KIAA1217: variants seen among roughly 807,000 people sequenced by gnomAD.
KIAA1217 encodes the protein KIAA1217, also known as sickle tail protein homolog.
A neutral mutation model predicts 163.9 loss-of-function variants in KIAA1217; 88 were observed. That is an observed-to-expected ratio of 0.54 (90% CI 0.45 to 0.64). The LOEUF is 0.64. Among genes scored for constraint, KIAA1217 ranks in the 30% least tolerant of loss-of-function variants. The pLI, the probability that KIAA1217 is intolerant of heterozygous loss-of-function variation, is 0.00. For missense variants in KIAA1217, 2,372 were observed against 2,475.0 expected (o/e 0.96, Z 0.88); for synonymous variants, 903 against 923.1 (o/e 0.98, Z 0.39).
At chr10:23,797,301 G>C (rs552217366) in intron 1 of KIAA1217, among the ~76,000 whole-genome samples, 75 of 152,200 alleles carry the variant, frequency 4.9e-4, no homozygotes, top group African/African-American at 1.7e-3. Context: ...GTCAGCAGTA[G>C]TTTACTACTC....
chr10:23,727,061 C>T (rs1369257253), intron 1 of KIAA1217, among the ~76,000 whole-genome samples: 3 of 135,698 alleles, frequency 2.2e-5, no homozygotes, highest in Non-Finnish European at 3.0e-5. Flanking sequence ...GATCTTGGCT[C>T]ACTGCAAGCT....
intron 2 of KIAA1217, among the ~76,000 whole-genome samples, chr10:24,286,603 C>T (rs533404846): frequency 9.2e-5 from 14 of 152,168 alleles, no homozygotes; most frequent in South Asian, 2.1e-4. Context: ...TGATGGGAAA[C>T]GAGGCAGAAA....
chr10:23,880,942 A>G (rs1840921420), intron 1 of KIAA1217, among the ~76,000 whole-genome samples: 1 of 151,900 alleles, frequency 6.6e-6, no homozygotes, highest in Admixed American at 6.6e-5. Context: ...ACCAGGGTGG[A>G]GTTCTCAACA....
chr10:24,070,925 AGTTG>A (rs2131628054), intron 2 of KIAA1217, among the ~76,000 whole-genome samples: 2 of 152,294 alleles, frequency 1.3e-5, no homozygotes, highest in South Asian at 4.1e-4. Context: ...TGAGTATTCA[AGTTG>A]GTTGGGTGAC....
At chr10:24,163,226 G>A (rs1159012791) in intron 2 of KIAA1217, among the ~76,000 whole-genome samples, 2 of 152,206 alleles carry the variant, frequency 1.3e-5, no homozygotes, top group East Asian at 3.8e-4. Flanking sequence ...GCAGTGGCAA[G>A]ACTAGTAGAC....
chr10:24,171,002 A>G (rs1280467770), intron 2 of KIAA1217, among the ~76,000 whole-genome samples: 1 of 152,180 alleles, frequency 6.6e-6, no homozygotes, highest in Non-Finnish European at 1.5e-5. Context: ...TAAACACTCT[A>G]TTTTCTCTAA....
At chr10:24,414,791 G>A (rs1564638004) in intron 3 of KIAA1217, among the ~76,000 whole-genome samples, 1 of 152,130 alleles carries the variant, frequency 6.6e-6, no homozygotes. Context: ...GTTCTTTATT[G>A]TGTGATCTTG....
intron 3 of KIAA1217, among the ~76,000 whole-genome samples, chr10:24,398,965 A>G (rs1198980345): frequency 6.6e-6 from 1 of 152,176 alleles, no homozygotes; most frequent in East Asian, 1.9e-4. Flanking sequence ...TAGAGAGACC[A>G]TTAACAACTA....
At position 24,373,341 on chromosome 10, in the gene KIAA1217, A is replaced by G. The variant is rs535862488; in HGVS notation, c.355-7528A>G. Among the ~76,000 whole-genome samples, 14 of 152,228 alleles carry G rather than the reference A, an allele frequency of 9.2e-5. No homozygotes were observed. The South Asian group carries it at 2.7e-3, about 29-fold the overall frequency. On this transcript the variant is annotated intron_variant, in intron 2 of 20. Coordinates refer to ENST00000376454, the MANE Select transcript of KIAA1217 (RefSeq NM_019590.5). ...TCATCCACTCCCCTCTTCCTGCGCA[A>G]TTAGGAACTTCCTCCTTTCCCCTTC...
chr10:23,772,050 A>C (rs771234084), intron 1 of KIAA1217, among the ~76,000 whole-genome samples: 38 of 152,252 alleles, frequency 2.5e-4, no homozygotes, highest in Non-Finnish European at 3.2e-4. Flanking sequence ...GAATTTTAAA[A>C]GTGTGATTTA....
intron 1 of KIAA1217, among the ~76,000 whole-genome samples, chr10:23,707,680 A>G (rs1345091671): frequency 6.6e-6 from 1 of 152,178 alleles, no homozygotes; most frequent in Admixed American, 6.5e-5. Flanking sequence ...CTTTACCACT[A>G]CACAATATAT....
intron 3 of KIAA1217, among the ~76,000 whole-genome samples, chr10:24,419,804 C>T (rs754446020): frequency 3.3e-5 from 5 of 152,096 alleles, no homozygotes; most frequent in Non-Finnish European, 7.4e-5. Context: ...TTCCACTATG[C>T]TCACAATGTA....
intron 1 of KIAA1217, among the ~76,000 whole-genome samples, chr10:24,217,031 C>CA (rs60303909): frequency 0.03 from 641 of 21,314 alleles, 256 homozygotes; most frequent in African/African-American, 0.043. Flanking sequence ...GACCTTGTCT[C>CA]AAAAAAAAAA....
intron 2 of KIAA1217, among the ~76,000 whole-genome samples, chr10:24,337,802 C>A (rs1430812239): frequency 6.6e-6 from 1 of 151,832 alleles, no homozygotes; most frequent in Admixed American, 6.6e-5. Context: ...TGCCACCATG[C>A]CCGGCTAATT....
intron 1 of KIAA1217, among the ~76,000 whole-genome samples, chr10:23,998,279 C>A (rs967874008): frequency 6.6e-6 from 1 of 152,114 alleles, no homozygotes; most frequent in African/African-American, 2.4e-5. Context: ...CCTAAAATAT[C>A]TTTATTGTTA....
chr10:24,544,280 G>A lies in KIAA1217; in HGVS notation c.5010G>A (p.Glu1670=). The A allele has an allele frequency of 6.2e-7, 1 of 1,614,146 alleles. No individual in the cohort carries two copies. Among genetic ancestry groups the A allele is most frequent in the Non-Finnish European group, 8.5e-7 (1 of 1,180,034 alleles). Residue 1670 remains glutamate (E), a synonymous_variant, in exon 19 of 21, where the codon GAG becomes GAA. Transcript: ENST00000376454. ...CCTACAGAACATTGGATAGCCTGGA[G>A]CAGACCATTAAACAGCTCGAAAATA... ...KNTYRTLDSL[E]QTIKQLENTI...
At chr10:24,357,850 T>A (rs1455394947) in intron 2 of KIAA1217, among the ~76,000 whole-genome samples, 1 of 152,148 alleles carries the variant, frequency 6.6e-6, no homozygotes, top group Non-Finnish European at 1.5e-5. Context: ...GGAGTGTGAT[T>A]GGTGTCTGGA....
chr10:24,411,942 G>A (rs1426144909), intron 3 of KIAA1217, among the ~76,000 whole-genome samples: 2 of 151,942 alleles, frequency 1.3e-5, no homozygotes, highest in African/African-American at 2.4e-5. Flanking sequence ...GCATACCACC[G>A]AGGTCACAGA....
chr10:24,236,277 G>C lies in KIAA1217; in HGVS notation c.354+16368G>C, dbSNP rs545682417. On this transcript the variant is annotated intron_variant, in intron 2 of 20. Transcript: ENST00000376454. ...TTTTCTTTTTCTTTTTTTCGACGGC[G>C]TTTTGCTCTTGTTGCCCAGGCTGGA... 6.6e-5 allele frequency among the ~76,000 whole-genome samples: 10 copies of C among 151,296 alleles called. 1 individual carries two copies. The South Asian group carries it at 1.9e-3, about 28-fold the overall frequency.
Sources: allele counts gnomAD v4.1 joint callset (sites outside exome capture counted in the v4.1 genomes callset), GRCh38; gene constraint gnomAD v4.1.1; transcripts MANE v1.5; gene names NCBI Gene and HGNC (gene_info 2026-07-23, HGNC 2026-07-21).